The following CDHR1 variants were observed in gnomAD, a reference collection of about 807,000 sequenced individuals.
CDHR1 encodes the protein cadherin related family member 1.
In CDHR1, 61 loss-of-function variants were observed where a neutral mutation model predicts 72.1. The ratio of observed to expected loss-of-function variants is 0.85; its 90% CI spans 0.69 to 1.05. The LOEUF is 1.05. Ranked by LOEUF, CDHR1 falls within the 50% of genes least tolerant of loss-of-function variation. The probability of loss-of-function intolerance (pLI) is 0.00; values close to 1 mark genes in which losing one functional copy is unlikely to be tolerated. For synonymous variants in CDHR1, 470 were observed against 448.1 expected (o/e 1.05, Z -0.62); for missense variants, 1,186 against 1,115.7 (o/e 1.06, Z -0.90).
chr10:84,215,600 C>T lies in CDHR1; in HGVS notation c.*979C>T. 1.1e-6 allele frequency: 1 copy of T among 902,284 alleles called. No individual in the cohort carries two copies. The highest frequency in any genetic ancestry group is 1.3e-6 in the Non-Finnish European group (1 of 754,174). The allele number at this position is 902,284 out of a possible 1,614,324, so 55.9% of individuals were successfully genotyped here. ...CATCTGTAAATGAAGAAAGTAGGCCCTGTCTACCTCACATGCAGGTCTAGG... is the reference window on the plus strand; with the variant it reads ...CATCTGTAAATGAAGAAAGTAGGCCTTGTCTACCTCACATGCAGGTCTAGG... On this transcript the variant is annotated 3_prime_UTR_variant, in exon 17 of 17. Coordinates refer to ENST00000623527, the MANE Select transcript of CDHR1 (RefSeq NM_033100.4).
Position 84,215,066 on chromosome 10 carries a change from A to AGAGCAG in CDHR1, c.*454_*459dup. The AGAGCAG allele has an allele frequency of 9.4e-7, 1 of 1,066,686 alleles. No homozygotes were observed. Among genetic ancestry groups the AGAGCAG allele is most frequent in the Non-Finnish European group, 1.1e-6 (1 of 878,582 alleles). The allele number at this position is 1,066,686 out of a possible 1,614,324, so 66.1% of individuals were successfully genotyped here. ...ATCTGGATCCTGACGCCTGCAGCTG[A>AGAGCAG]GAGCAGGAGCAGGAAAAGGAGGCTC... is the stretch of plus-strand genomic sequence containing the variant. On this transcript the variant is annotated 3_prime_UTR_variant, in exon 17 of 17. Coordinates refer to ENST00000623527, the MANE Select transcript of CDHR1 (RefSeq NM_033100.4).
chr10:84,196,679 G>A (rs375485452), intron 3 of CDHR1, 29 bp downstream of exon 3: 273 of 1,613,766 alleles, frequency 1.7e-4, no homozygotes, highest in Admixed American at 3.2e-4. Context: ...AGTGCTGCGG[G>A]GCCACTGCCT....
Position 84,215,676 on chromosome 10 carries a change from C to T in CDHR1, c.*1055C>T, listed in dbSNP as rs117975094. 8.5e-5 allele frequency: 84 copies of T among 985,140 alleles called. 1 individual carries two copies. The East Asian group carries it at 7.5e-3, about 88-fold the overall frequency. 61.0% of individuals were successfully genotyped at this position (985,140 alleles called of 1,614,324 possible). On this transcript the variant is annotated 3_prime_UTR_variant, in exon 17 of 17. Coordinates refer to ENST00000623527, the MANE Select transcript of CDHR1 (RefSeq NM_033100.4). ...ATGAGGGCTTTAACCAAGTGCAAAG[C>T]GGCATGAATGCAAAGTATTTTTCTG... is the stretch of plus-strand genomic sequence containing the variant.
Position 84,201,873 on chromosome 10 carries a change from C to T in CDHR1, c.592C>T (p.Leu198=). The T allele has an allele frequency of 6.2e-7, 1 of 1,609,160 alleles. No homozygotes were observed. The highest frequency in any genetic ancestry group is 2.2e-5 in the East Asian group (1 of 44,890). The change falls in exon 7 of 17, where the codon CTG becomes TTG. Residue 198 remains leucine, a synonymous_variant. Coordinates refer to ENST00000623527, the MANE Select transcript of CDHR1 (RefSeq NM_033100.4). ...GVLRLQAGAT[L]DYERSRTHYI... ...GCTGCGCCTCCAGGCTGGGGCCACT[C>T]TGGACTACGAGAGGTCCCGGACCCA...
rs995088917 is a variant in CDHR1 at position 84,217,277 on chromosome 10, G to C, written c.*2656G>C. 4.1e-6 allele frequency: 4 copies of C among 985,390 alleles called. No individual in the cohort carries two copies. The highest frequency in any genetic ancestry group is 4.8e-6 in the Non-Finnish European group (4 of 829,980). The allele number at this position is 985,390 out of a possible 1,614,324, so 61.0% of individuals were successfully genotyped here. ...AGGCCTCCAGGGAAAGAGCTGGGAG[G>C]CAGGAATGGCACACTGGGCAGGCTT... is the stretch of plus-strand genomic sequence containing the variant. On this transcript the variant is annotated 3_prime_UTR_variant, in exon 17 of 17. Transcript: ENST00000623527.
At chr10:84,197,924 C>T in intron 4 of CDHR1, 88 bp downstream of exon 4, 1 of 1,316,958 alleles carries the variant, frequency 7.6e-7, no homozygotes, top group Non-Finnish European at 1.1e-6. Flanking sequence ...CCCAAGCCTT[C>T]ATGGGGGCTT....
In CDHR1 at chr10:84,205,938, T is replaced by A; in HGVS notation, c.963+11T>A. On this transcript the variant is annotated intron_variant, in intron 10 of 16. Transcript: ENST00000623527. ...GAGCTGCATGTACAGGTACCCTCCC[T>A]CTAGCTTTGTCTTCCCTGCCCACCT... 1 of 1,600,690 alleles carries A rather than the reference T, an allele frequency of 6.2e-7. No individual in the cohort carries two copies. Among genetic ancestry groups the A allele is most frequent in the Non-Finnish European group, 8.6e-7 (1 of 1,167,970 alleles).
chr10:84,208,127 G>A, intron 10 of CDHR1, 47 bp from the exon 11 acceptor site: 1 of 1,514,194 alleles, frequency 6.6e-7, no homozygotes, highest in East Asian at 2.3e-5. Context: ...TGGACCATAT[G>A]AAGGGTCCAC....
At chr10:84,201,742 G>A (rs939262359) in intron 6 of CDHR1, 65 bp from the exon 7 acceptor site, 11 of 1,334,816 alleles carry the variant, frequency 8.2e-6, no homozygotes, top group East Asian at 2.4e-5. Context: ...TCAGAAAGCA[G>A]AGCGGGCATT....
intron 13 of CDHR1, 88 bp from the exon 14 acceptor site, chr10:84,211,560 T>A: frequency 8.3e-7 from 1 of 1,210,132 alleles, no homozygotes; most frequent in Admixed American, 1.7e-5. Context: ...CCCCTTGCTT[T>A]GTGGTTGAAA....
At chr10:84,202,940 A>G (rs1172094682) in intron 7 of CDHR1, 40 bp from the exon 8 acceptor site, 7 of 1,613,478 alleles carry the variant, frequency 4.3e-6, no homozygotes, top group Non-Finnish European at 5.1e-6. Flanking sequence ...CCACATCTCA[A>G]CTTGTCTTCA....
Position 84,216,825 on chromosome 10 carries a change from C to G in CDHR1, c.*2204C>G. ...CTGGAGCTAGAATTAATTGCCCACT[C>G]TCCCACCCTACCAGTGCAGCCCGGC... is the stretch of plus-strand genomic sequence containing the variant. On this transcript the variant is annotated 3_prime_UTR_variant, in exon 17 of 17. Transcript: ENST00000623527. 3.0e-6 allele frequency: 3 copies of G among 985,534 alleles called. No homozygotes were observed. The highest frequency in any genetic ancestry group is 3.6e-6 in the Non-Finnish European group (3 of 829,980). The allele number at this position is 985,534 out of a possible 1,614,324, so 61.0% of individuals were successfully genotyped here.
chr10:84,212,499 T>C lies in CDHR1; in HGVS notation c.1782+92T>C. On this transcript the variant is annotated intron_variant, in intron 15 of 16. Coordinates refer to ENST00000623527, the MANE Select transcript of CDHR1 (RefSeq NM_033100.4). ...CATAAGAATTTCATTGAAGATAAAA[T>C]TTTTTGGCTTCCCACCATGGACAAA... 5 of 1,145,968 alleles carry C rather than the reference T, an allele frequency of 4.4e-6. No individual in the cohort carries two copies. In the South Asian group the frequency reaches 5.1e-5, roughly 12 times the overall value. The allele number at this position is 1,145,968 out of a possible 1,614,324, so 71.0% of individuals were successfully genotyped here.
In CDHR1 at chr10:84,202,991, G is replaced by A; in HGVS notation, c.651G>A (p.Gly217=). The change falls in exon 8 of 17, where the codon GGG becomes GGA. Residue 217 remains glycine, a synonymous_variant. Coordinates refer to ENST00000623527, the MANE Select transcript of CDHR1 (RefSeq NM_033100.4). ...CGATTCTTCTGCAGGATGGCGGTGG[G>A]AGGCTTCATGGGGCTGATGTGGTGT... ...YITVVAKDGG[G]RLHGADVVFS... The A allele has an allele frequency of 1.2e-6, 2 of 1,614,186 alleles. No individual in the cohort carries two copies. The highest frequency in any genetic ancestry group is 1.7e-6 in the Non-Finnish European group (2 of 1,180,030).
At chr10:84,212,526 G>T in intron 15 of CDHR1, 119 bp downstream of exon 15, 1 of 768,704 alleles carries the variant, frequency 1.3e-6, no homozygotes, top group Non-Finnish European at 2.3e-6. Flanking sequence ...ATGGACAAAG[G>T]ACTTTAAGAC....
chr10:84,199,822 T>A (rs11200918), intron 5 of CDHR1, among the ~76,000 whole-genome samples: 22 of 152,184 alleles, frequency 1.4e-4, no homozygotes, highest in Non-Finnish European at 1.5e-4. Context: ...CCTCCTGCAA[T>A]GGGAGGATTT....
Position 84,213,256 on chromosome 10 carries a change from T to G in CDHR1, c.1948T>G (p.Cys650Gly). 6.2e-7 allele frequency: 1 copy of G among 1,614,230 alleles called. No homozygotes were observed. The highest frequency in any genetic ancestry group is 8.5e-7 in the Non-Finnish European group (1 of 1,180,010). ...ALHNITPGRD[C>G]LWSLEVQAKD... ...GCACAACATCACACCTGGAAGGGAC[T>G]GCCTATGGTCCCTAGAGGTGCAGGC... The change falls in exon 16 of 17, where the codon TGC (cysteine) becomes GGC (glycine). Residue 650 changes from cysteine (C) to glycine (G), a missense_variant. Transcript: ENST00000623527.
At position 84,214,304 on chromosome 10, in the gene CDHR1, T is replaced by C. The variant is rs1355662594; in HGVS notation, c.2263T>C (p.Trp755Arg). ...TGCGCCCCGCACCATCCGCATTGAG[T>C]GGCTCAAGTCCAAGAGCACCAAAGC... ...SPAPRTIRIE[W>R]LKSKSTKAAT... is the part of the protein sequence containing the mutation. The change falls in exon 17 of 17, where the codon TGG becomes CGG. Residue 755 changes from tryptophan (W) to arginine (R), a missense_variant. By Grantham distance (101) the Trp-to-Arg change is moderately radical. Transcript: ENST00000623527. The C allele has an allele frequency of 1.9e-6, 3 of 1,614,064 alleles. No homozygotes were observed. Among genetic ancestry groups the C allele is most frequent in the Non-Finnish European group, 2.5e-6 (3 of 1,180,042 alleles).
At chr10:84,199,762 T>C (rs1196412058) in intron 5 of CDHR1, among the ~76,000 whole-genome samples, 3 of 152,254 alleles carry the variant, frequency 2.0e-5, no homozygotes. Context: ...AAAGCACACA[T>C]GCCCACAGGG....
Sources: gnomAD v4.1 joint callset for allele counts (sites outside exome capture counted in the v4.1 genomes callset) on GRCh38, gnomAD v4.1.1 for gene constraint, MANE v1.5 for transcripts, NCBI Gene and HGNC (gene_info 2026-07-23, HGNC 2026-07-21) for gene names.